The following TAFA1 variants were observed in gnomAD, a reference collection of about 807,000 sequenced individuals.
TAFA1 encodes TAFA chemokine like family member 1, also known as chemokine-like protein TAFA-1.
Under a neutral mutation model 18.5 loss-of-function variants are expected in TAFA1, and 4 were observed. The ratio of observed to expected loss-of-function variants is 0.22; its 90% CI spans 0.11 to 0.49. The LOEUF (loss-of-function observed/expected upper bound fraction) is 0.49. Ranked by LOEUF, TAFA1 falls within the 20% of genes least tolerant of loss-of-function variation. TAFA1 has a pLI of 0.98. For missense variants in TAFA1, 147 were observed against 169.0 expected, an observed-to-expected ratio of 0.87 and a Z score of 0.72; for synonymous variants, 56 against 55.2, an observed-to-expected ratio of 1.01 and a Z score of -0.06.
chr3:68,390,880 A>C (rs1575827433), intron 2 of TAFA1, among the ~76,000 whole-genome samples: 1 of 152,202 alleles, frequency 6.6e-6, no homozygotes, highest in Non-Finnish European at 1.5e-5. Context: ...ACCAAATGTC[A>C]GTAAATCCAC....
At chr3:68,382,453 C>T (rs1332007907) in intron 2 of TAFA1, among the ~76,000 whole-genome samples, 1 of 152,020 alleles carries the variant, frequency 6.6e-6, no homozygotes, top group East Asian at 1.9e-4. Context: ...CCAGTTATCC[C>T]AGCACTATTT....
chr3:68,272,961 C>G (rs993026519), intron 2 of TAFA1, among the ~76,000 whole-genome samples: 4 of 152,168 alleles, frequency 2.6e-5, no homozygotes, highest in Non-Finnish European at 5.9e-5. Flanking sequence ...AGGGCCTGGC[C>G]TGGCCTGTTC....
intron 2 of TAFA1, among the ~76,000 whole-genome samples, chr3:68,399,461 G>T (rs1297403849): frequency 6.6e-6 from 1 of 151,982 alleles, no homozygotes. Context: ...TCAATTGCTA[G>T]GAATCAATGA....
At chr3:68,040,986 A>G (rs537575472) in intron 2 of TAFA1, among the ~76,000 whole-genome samples, 28 of 152,200 alleles carry the variant, frequency 1.8e-4, no homozygotes, top group South Asian at 4.1e-4. Context: ...TGGATTATGC[A>G]ACTCTAAGAT....
chr3:68,306,774 T>C (rs570663948), intron 2 of TAFA1, among the ~76,000 whole-genome samples: 161 of 152,202 alleles, frequency 1.1e-3, no homozygotes, highest in African/African-American at 3.7e-3. Context: ...GTGCTGAATC[T>C]CCCCTACACA....
intron 2 of TAFA1, among the ~76,000 whole-genome samples, chr3:68,177,526 A>C (rs1026293054): frequency 6.6e-6 from 1 of 152,188 alleles, no homozygotes; most frequent in Admixed American, 6.5e-5. Flanking sequence ...GTAAGCTCCT[A>C]TTATATTCAA....
intron 2 of TAFA1, among the ~76,000 whole-genome samples, chr3:68,325,407 A>C (rs2068760336): frequency 6.6e-6 from 1 of 152,212 alleles, no homozygotes; most frequent in East Asian, 1.9e-4. Flanking sequence ...AAGGGTGAAT[A>C]GTATCTACAT....
At chr3:68,139,820 G>A (rs1025727376) in intron 2 of TAFA1, among the ~76,000 whole-genome samples, 2 of 152,162 alleles carry the variant, frequency 1.3e-5, no homozygotes, top group African/African-American at 4.8e-5. Flanking sequence ...ATGTCAATGT[G>A]GGAAACTGAG....
chr3:68,452,614 G>T (rs185164783), intron 3 of TAFA1, among the ~76,000 whole-genome samples: 2 of 150,802 alleles, frequency 1.3e-5, no homozygotes, highest in Admixed American at 1.3e-4. Flanking sequence ...GCCCTATATT[G>T]TGTCAAGCAG....
intron 2 of TAFA1, among the ~76,000 whole-genome samples, chr3:68,339,933 A>G (rs1025417303): frequency 6.6e-6 from 1 of 152,234 alleles, no homozygotes; most frequent in African/African-American, 2.4e-5. Context: ...AAATGCAGCT[A>G]TGAGACAGCT....
At chr3:68,370,492 A>ATATG (rs2069680816) in intron 2 of TAFA1, among the ~76,000 whole-genome samples, 1 of 85,298 alleles carries the variant, frequency 1.2e-5, no homozygotes, top group Non-Finnish European at 2.4e-5. Flanking sequence ...ATATATATAT[A>ATATG]TATATATATA....
At chr3:68,320,680 G>C (rs918920627) in intron 2 of TAFA1, among the ~76,000 whole-genome samples, 5 of 152,106 alleles carry the variant, frequency 3.3e-5, no homozygotes, top group Non-Finnish European at 7.3e-5. Flanking sequence ...CTCTTCTTTG[G>C]CTTCAAAGCT....
chr3:68,121,249 A>ATGTGTGTGTGTG (rs67968765), intron 2 of TAFA1, among the ~76,000 whole-genome samples: 28 of 148,070 alleles, frequency 1.9e-4, no homozygotes, highest in African/African-American at 6.8e-4. Flanking sequence ...ATGTACATTA[A>ATGTGTGTGTGTG]TGTGTGTGTG....
chr3:68,460,033 A>G (rs2071746136), intron 3 of TAFA1, among the ~76,000 whole-genome samples: 1 of 152,126 alleles, frequency 6.6e-6, no homozygotes, highest in South Asian at 2.1e-4. Flanking sequence ...TCTCTGAAAG[A>G]ATTACTTTAT....
At chr3:68,108,063 T>C (rs78347425) in intron 2 of TAFA1, among the ~76,000 whole-genome samples, 1,589 of 152,260 alleles carry the variant, frequency 0.01, 33 homozygotes, top group African/African-American at 0.035. Context: ...CATTATGTTC[T>C]AATACTTCTG....
intron 2 of TAFA1, among the ~76,000 whole-genome samples, chr3:68,365,408 AG>A (rs1311870494): frequency 6.6e-6 from 1 of 152,244 alleles, no homozygotes; most frequent in East Asian, 1.9e-4. Flanking sequence ...AAAGGACCAC[AG>A]CTAAAGATAT....
chr3:68,138,105 G>A (rs2065629276), intron 2 of TAFA1, among the ~76,000 whole-genome samples: 1 of 152,060 alleles, frequency 6.6e-6, no homozygotes, highest in East Asian at 1.9e-4. Flanking sequence ...AGCCCATTAG[G>A]TCTCTTCCTA....
intron 2 of TAFA1, among the ~76,000 whole-genome samples, chr3:68,057,252 T>C (rs1488373432): frequency 3.9e-5 from 6 of 152,178 alleles, no homozygotes; most frequent in Admixed American, 2.0e-4. Context: ...GTTAGAGATA[T>C]TTCAGTTATC....
chr3:68,286,264 A>AT (rs561551276), intron 2 of TAFA1, among the ~76,000 whole-genome samples: 8 of 152,072 alleles, frequency 5.3e-5, no homozygotes, highest in East Asian at 3.9e-4. Flanking sequence ...AATTAAAAAT[A>AT]TTTTTTTAAA....
Sources: allele counts gnomAD v4.1 joint callset (sites outside exome capture counted in the v4.1 genomes callset), GRCh38; gene constraint gnomAD v4.1.1; transcripts MANE v1.5; gene names NCBI Gene and HGNC (gene_info 2026-07-23, HGNC 2026-07-21).